RALY: variants seen among roughly 807,000 people sequenced by gnomAD.
RALY encodes RNA-binding protein Raly.
A neutral mutation model predicts 30.7 loss-of-function variants in RALY; 15 were observed. The observed-to-expected ratio is 0.49, with a 90% confidence interval of 0.33 to 0.75. RALY has a LOEUF of 0.75. Among genes scored for constraint, RALY ranks in the 30% least tolerant of loss-of-function variants. The pLI is 0.02. For synonymous variants in RALY, 177 were observed against 170.8 expected (o/e 1.04, Z -0.28); for missense variants, 339 against 414.3 (o/e 0.82, Z 1.58).
At chr20:34,046,085 T>G (rs559607933) in intron 2 of RALY, among the ~76,000 whole-genome samples, 1 of 152,232 alleles carries the variant, frequency 6.6e-6, no homozygotes, top group African/African-American at 2.4e-5. Flanking sequence ...ATTTACTGTT[T>G]GATTCAGGCC....
chr20:34,036,764 G>A (rs746597423), intron 2 of RALY, among the ~76,000 whole-genome samples: 3 of 151,574 alleles, frequency 2.0e-5, no homozygotes, highest in Admixed American at 6.6e-5. Context: ...TTGATAATTT[G>A]TGTATTTTTA....
At chr20:33,995,129 T>A (rs1011541419) in intron 1 of RALY, among the ~76,000 whole-genome samples, 1 of 152,224 alleles carries the variant, frequency 6.6e-6, no homozygotes, top group African/African-American at 2.4e-5. Flanking sequence ...TTCCCTGACT[T>A]CTGGGCCGTT....
At chr20:34,069,683 A>G (rs995403486) in intron 2 of RALY, among the ~76,000 whole-genome samples, 22 of 152,234 alleles carry the variant, frequency 1.4e-4, no homozygotes, top group African/African-American at 5.3e-4. Context: ...ACTGTGAGGA[A>G]TGGCAAGCCC....
At chr20:34,066,777 TC>T (rs1341099136) in intron 2 of RALY, among the ~76,000 whole-genome samples, 2 of 152,000 alleles carry the variant, frequency 1.3e-5, no homozygotes, top group African/African-American at 2.4e-5. Flanking sequence ...AAGCCCCACT[TC>T]CTAATACCAT....
chr20:34,028,705 C>CAAAAA (rs71338492), intron 1 of RALY, among the ~76,000 whole-genome samples: 7 of 20,444 alleles, frequency 3.4e-4, no homozygotes, highest in Non-Finnish European at 6.7e-4. Context: ...GACTCCATCT[C>CAAAAA]AAAAAAAAAA....
intron 2 of RALY, among the ~76,000 whole-genome samples, chr20:34,032,821 T>C (rs2032336346): frequency 6.6e-6 from 1 of 152,110 alleles, no homozygotes; most frequent in Non-Finnish European, 1.5e-5. Context: ...GGGCTGTTAA[T>C]CTCCCTCTCT....
chr20:34,026,471 C>T (rs775081622), intron 1 of RALY, among the ~76,000 whole-genome samples: 71 of 151,746 alleles, frequency 4.7e-4, no homozygotes, highest in Middle Eastern at 3.4e-3. Context: ...GGCGTGTTCT[C>T]GGCTCACTGC....
At chr20:34,033,147 C>T (rs575118371) in intron 2 of RALY, 1 of 152,380 alleles carries the variant, frequency 6.6e-6, no homozygotes, top group Non-Finnish European at 1.5e-5. Flanking sequence ...TCTCTCTCAA[C>T]ATGTGCCCTT....
At chr20:34,077,339 CA>C in intron 8 of RALY, 94 bp downstream of exon 8, 1 of 1,566,382 alleles carries the variant, frequency 6.4e-7, no homozygotes, top group African/African-American at 1.4e-5. Flanking sequence ...TGGTTGCCCC[CA>C]CTGTGAACTT....
At chr20:34,015,270 T>C (rs576635840) in intron 1 of RALY, among the ~76,000 whole-genome samples, 2 of 152,284 alleles carry the variant, frequency 1.3e-5, no homozygotes, top group South Asian at 4.1e-4. Context: ...ATTCTTTCCT[T>C]CCCTTCTTCC....
chr20:34,057,666 C>CAAAAA (rs548450019), intron 2 of RALY, among the ~76,000 whole-genome samples: 10 of 67,334 alleles, frequency 1.5e-4, no homozygotes, highest in East Asian at 3.3e-4. Flanking sequence ...GACTCCGTCT[C>CAAAAA]AAAAAAAAAA....
rs142306890 is a variant in RALY at position 34,073,996 on chromosome 20, C to T, written c.377+130C>T. The T allele has an allele frequency of 1.7e-3, 1,666 of 1,002,694 alleles. 18 individuals carry two copies. The African/African-American group carries it at 0.023, about 14-fold the overall frequency. The allele number at this position is 1,002,694 out of a possible 1,614,324, so 62.1% of individuals were successfully genotyped here. A position where few individuals can be genotyped will look rare whatever the true frequency, so the allele number is the denominator to read the frequency against. On this transcript the variant is annotated intron_variant, in intron 5 of 9. Coordinates refer to ENST00000246194, the MANE Select transcript of RALY (RefSeq NM_016732.3). ...CAGAGGTTTGCCTGGGGTTGCTCCACCAGTCGGTAGCAGAGCTGAGACTGG... is the reference window on the plus strand; with the variant it reads ...CAGAGGTTTGCCTGGGGTTGCTCCATCAGTCGGTAGCAGAGCTGAGACTGG...
intron 1 of RALY, among the ~76,000 whole-genome samples, chr20:34,029,419 CAG>C (rs1247867999): frequency 1.5e-5 from 2 of 134,764 alleles, no homozygotes; most frequent in Non-Finnish European, 3.1e-5. Flanking sequence ...GCCTGGGTGA[CAG>C]AGTGAGACTC....
intron 1 of RALY, among the ~76,000 whole-genome samples, chr20:34,004,631 G>A (rs1322682593): frequency 2.0e-5 from 3 of 152,190 alleles, no homozygotes; most frequent in East Asian, 3.8e-4. Context: ...AGGTCATGTC[G>A]TTATGAAGCC....
At chr20:34,035,939 T>C (rs1214828195) in intron 2 of RALY, among the ~76,000 whole-genome samples, 4 of 152,192 alleles carry the variant, frequency 2.6e-5, no homozygotes, top group Non-Finnish European at 5.9e-5. Context: ...AATAACTTTC[T>C]AGGCATAGAG....
intron 2 of RALY, among the ~76,000 whole-genome samples, chr20:34,050,934 TCAGA>T (rs1264091712): frequency 6.6e-6 from 1 of 152,158 alleles, no homozygotes; most frequent in East Asian, 1.9e-4. Context: ...TGTGAGTCTG[TCAGA>T]CAGCCTAGAG....
chr20:34,022,551 C>T (rs1010733359), intron 1 of RALY, among the ~76,000 whole-genome samples: 1 of 152,158 alleles, frequency 6.6e-6, no homozygotes, highest in Non-Finnish European at 1.5e-5. Context: ...GGCTTTATCC[C>T]TCAGTCACCT....
intron 4 of RALY, 21 bp downstream of exon 4, chr20:34,073,656 G>T (rs200772131): frequency 1.9e-4 from 295 of 1,565,912 alleles, no homozygotes; most frequent in Non-Finnish European, 2.0e-4. Flanking sequence ...CTGACTGTCT[G>T]TCTGTCTGGT....
chr20:34,028,901 G>C (rs1167670682), intron 1 of RALY, among the ~76,000 whole-genome samples: 1 of 152,032 alleles, frequency 6.6e-6, no homozygotes, highest in Non-Finnish European at 1.5e-5. Flanking sequence ...GTAGAAGTAA[G>C]GCGGATGATG....
Sources: gnomAD v4.1 joint callset for allele counts (sites outside exome capture counted in the v4.1 genomes callset) on GRCh38, gnomAD v4.1.1 for gene constraint, MANE v1.5 for transcripts, NCBI Gene and HGNC (gene_info 2026-07-23, HGNC 2026-07-21) for gene names.